CAB39: variants seen among roughly 807,000 people sequenced by gnomAD.
CAB39 encodes calcium-binding protein 39.
CAB39 carries 8 observed loss-of-function variants against 40.0 expected under a neutral mutation model. The ratio of observed to expected loss-of-function variants is 0.20; its 90% CI spans 0.12 to 0.36. CAB39 has a LOEUF of 0.36. CAB39 is among the 10% of genes least tolerant of loss of function. CAB39 has a pLI of 1.00. For missense variants in CAB39, 270 were observed against 401.1 expected, an observed-to-expected ratio of 0.67 and a Z score of 2.79; for synonymous variants, 156 against 141.6, an observed-to-expected ratio of 1.10 and a Z score of -0.72.
At chr2:230,745,219 A>T (rs1694951055) in intron 1 of CAB39, among the ~76,000 whole-genome samples, 1 of 152,260 alleles carries the variant, frequency 6.6e-6, no homozygotes, top group African/African-American at 2.4e-5. Context: ...TCTACTTGAC[A>T]TATATAATAG....
At chr2:230,752,584 A>G (rs1695110620) in intron 1 of CAB39, among the ~76,000 whole-genome samples, 1 of 151,840 alleles carries the variant, frequency 6.6e-6, no homozygotes, top group African/African-American at 2.4e-5. Flanking sequence ...TGACCTAAAA[A>G]CCTCCCATTA....
intron 1 of CAB39, among the ~76,000 whole-genome samples, chr2:230,738,455 C>T (rs1183009410): frequency 6.6e-6 from 1 of 152,204 alleles, no homozygotes; most frequent in Non-Finnish European, 1.5e-5. Flanking sequence ...CTCATTATTT[C>T]ATCAGGATCA....
chr2:230,747,939 G>A (rs79026570), intron 1 of CAB39, among the ~76,000 whole-genome samples: 9 of 152,058 alleles, frequency 5.9e-5, no homozygotes, highest in East Asian at 1.9e-4. Flanking sequence ...TTTTACATAC[G>A]TCATAATACC....
chr2:230,816,654 C>T (rs1033734670), intron 7 of CAB39, among the ~76,000 whole-genome samples: 3 of 152,168 alleles, frequency 2.0e-5, no homozygotes, highest in Admixed American at 1.3e-4. Context: ...GCCACAGAGC[C>T]GCTATTTGCG....
chr2:230,757,534 G>A (rs1695213801), intron 1 of CAB39, among the ~76,000 whole-genome samples: 1 of 151,974 alleles, frequency 6.6e-6, no homozygotes, highest in South Asian at 2.1e-4. Context: ...TGTTCTTTTT[G>A]GTGGCTGTAC....
At chr2:230,733,581 TC>T (rs1192952121) in intron 1 of CAB39, among the ~76,000 whole-genome samples, 3 of 152,234 alleles carry the variant, frequency 2.0e-5, no homozygotes, top group Non-Finnish European at 2.9e-5. Flanking sequence ...GATTCTCTCT[TC>T]CTTCACTCTC....
chr2:230,736,918 ATT>A (rs907871381), intron 1 of CAB39, among the ~76,000 whole-genome samples: 53 of 152,272 alleles, frequency 3.5e-4, no homozygotes, highest in African/African-American at 1.3e-3. Flanking sequence ...CAACCTTTTA[ATT>A]AAAATTGAGT....
At chr2:230,754,354 T>C (rs55815528) in intron 1 of CAB39, among the ~76,000 whole-genome samples, 199 of 122,764 alleles carry the variant, frequency 1.6e-3, no homozygotes, top group African/African-American at 4.7e-3. Context: ...TCTTCCTTCC[T>C]CTTCTTCCGT....
At chr2:230,804,692 A>G (rs1349734323) in intron 5 of CAB39, among the ~76,000 whole-genome samples, 12 of 152,220 alleles carry the variant, frequency 7.9e-5, no homozygotes, top group African/African-American at 2.7e-4. Context: ...CAAAACCACA[A>G]TGAGATACCA....
chr2:230,798,967 G>A, intron 5 of CAB39, 70 bp downstream of exon 5: 1 of 1,227,768 alleles, frequency 8.1e-7, no homozygotes, highest in Middle Eastern at 2.1e-4. Flanking sequence ...AACCTTCATT[G>A]CCCTCCTAAA....
chr2:230,798,699 G>C, intron 4 of CAB39, 30 bp from the exon 5 acceptor site: 1 of 1,563,792 alleles, frequency 6.4e-7, no homozygotes, highest in Non-Finnish European at 8.7e-7. Context: ...ATCATGTTTG[G>C]TTTGTTTGTT....
chr2:230,806,317 A>C (rs1696192881), intron 5 of CAB39, among the ~76,000 whole-genome samples: 1 of 152,060 alleles, frequency 6.6e-6, no homozygotes, highest in South Asian at 2.1e-4. Flanking sequence ...TTGAGTAAAC[A>C]ATTTTGAATA....
In CAB39 at chr2:230,811,351, C is replaced by T. The variant is rs113029203; in HGVS notation, c.627+1029C>T. 7.0e-3 allele frequency among the ~76,000 whole-genome samples: 1,069 copies of T among 152,246 alleles called. 12 individuals carry two copies. The highest frequency in any genetic ancestry group is 0.023 in the African/African-American group (944 of 41,540). ...CCCTGCCCTCCACTCCCAGTAAGAA[C>T]ATAACACAACACTGAGCACACAAGT... is the stretch of plus-strand genomic sequence containing the variant. On this transcript the variant is annotated intron_variant, in intron 6 of 8. Coordinates refer to ENST00000258418, the MANE Select transcript of CAB39 (RefSeq NM_016289.4).
At chr2:230,758,210 C>A (rs2124916550) in intron 1 of CAB39, among the ~76,000 whole-genome samples, 1 of 144,412 alleles carries the variant, frequency 6.9e-6, no homozygotes, top group South Asian at 2.2e-4. Flanking sequence ...CGCTGAGGCA[C>A]AAGAATCACT....
At chr2:230,722,851 ATC>A (rs1694478159) in intron 1 of CAB39, among the ~76,000 whole-genome samples, 1 of 152,156 alleles carries the variant, frequency 6.6e-6, no homozygotes. Flanking sequence ...ATTTGTTGTG[ATC>A]TCAGCCCTCT....
chr2:230,754,844 C>T (rs1373758598), intron 1 of CAB39, among the ~76,000 whole-genome samples: 3 of 152,110 alleles, frequency 2.0e-5, no homozygotes, highest in Admixed American at 6.6e-5. Context: ...ATCGCTCGCC[C>T]GCTTCCCCAC....
intron 1 of CAB39, among the ~76,000 whole-genome samples, chr2:230,714,501 A>C (rs1422086378): frequency 1.3e-5 from 2 of 152,246 alleles, no homozygotes; most frequent in Non-Finnish European, 2.9e-5. Context: ...ATCTGCACAC[A>C]GAAGGTGTTT....
chr2:230,736,936 A>G (rs1694797630), intron 1 of CAB39, among the ~76,000 whole-genome samples: 1 of 152,170 alleles, frequency 6.6e-6, no homozygotes, highest in Non-Finnish European at 1.5e-5. Context: ...TGAGTACCAG[A>G]GAGGTCCAAG....
intron 2 of CAB39, among the ~76,000 whole-genome samples, chr2:230,763,136 A>C (rs772772494): frequency 2.6e-5 from 4 of 152,252 alleles, no homozygotes; most frequent in African/African-American, 9.6e-5. Flanking sequence ...TTTAATGAAA[A>C]ATAACCATAT....
Sources: gnomAD v4.1 joint callset for allele counts (sites outside exome capture counted in the v4.1 genomes callset) on GRCh38, gnomAD v4.1.1 for gene constraint, MANE v1.5 for transcripts, NCBI Gene and HGNC (gene_info 2026-07-23, HGNC 2026-07-21) for gene names.